Variants in GAREM1 observed in about 807,000 individuals in gnomAD.
GAREM1 encodes GRB2 associated regulator of MAPK1 subtype 1, also known as GRB2-associated and regulator of MAPK protein 1.
Under a neutral mutation model 71.3 loss-of-function variants are expected in GAREM1, and 26 were observed. That is an observed-to-expected ratio of 0.36 (90% CI 0.27 to 0.51). The LOEUF is 0.51. GAREM1 is among the 20% of genes least tolerant of loss of function. GAREM1 has a pLI of 0.95. For synonymous variants in GAREM1, 440 were observed against 433.2 expected (o/e 1.02, Z -0.20); for missense variants, 1,026 against 1,103.1 (o/e 0.93, Z 0.99).
intron 1 of GAREM1, among the ~76,000 whole-genome samples, chr18:32,441,227 A>G (rs1039015606): frequency 6.6e-6 from 1 of 152,154 alleles, no homozygotes; most frequent in Non-Finnish European, 1.5e-5. Flanking sequence ...GGAAGACAAT[A>G]TATATTTTAA....
intron 1 of GAREM1, among the ~76,000 whole-genome samples, chr18:32,457,224 AGAGT>A (rs1232367814): frequency 5.2e-3 from 561 of 107,302 alleles, no homozygotes; most frequent in Middle Eastern, 0.027. Flanking sequence ...AGAGAGAGAG[AGAGT>A]GTGTGTGTGT....
At chr18:32,430,363 A>T (rs1161318843) in intron 1 of GAREM1, among the ~76,000 whole-genome samples, 1 of 152,218 alleles carries the variant, frequency 6.6e-6, no homozygotes, top group Admixed American at 6.5e-5. Context: ...CTGTAATACA[A>T]AGAAAAAAAG....
chr18:32,361,260 C>CCA (rs2047862233), intron 2 of GAREM1, among the ~76,000 whole-genome samples: 1 of 152,146 alleles, frequency 6.6e-6, no homozygotes, highest in African/African-American at 2.4e-5. Context: ...CCCACCATAA[C>CCA]CACACACACC....
chr18:32,434,803 T>C (rs2048658817), intron 1 of GAREM1, among the ~76,000 whole-genome samples: 1 of 151,816 alleles, frequency 6.6e-6, no homozygotes, highest in African/African-American at 2.4e-5. Context: ...CTAAAATGAG[T>C]GGGCAAAGGT....
intron 1 of GAREM1, among the ~76,000 whole-genome samples, chr18:32,400,976 A>G (rs529980442): frequency 6.6e-6 from 1 of 152,350 alleles, no homozygotes; most frequent in Admixed American, 6.5e-5. Flanking sequence ...CATATACACC[A>G]TGGAATACTA....
Position 32,268,005 on chromosome 18 carries a change from A to C in GAREM1, c.2497T>G (p.Phe833Val). The C allele has an allele frequency of 6.2e-7, 1 of 1,614,166 alleles. No homozygotes were observed. Among genetic ancestry groups the C allele is most frequent in the Non-Finnish European group, 8.5e-7 (1 of 1,180,010 alleles). The change falls in exon 6 of 6, where the codon TTT becomes GTT. Residue 833 changes from phenylalanine (F) to valine (V), a missense_variant. Physicochemically the swap from Phe to Val is conservative, Grantham distance 50. Transcript: ENST00000269209. ...TTCCCATCAATCTTTTCAGTAACAA[A>C]GAATGATATGACATCTTCGGACAAA... Reference protein sequence around the residue: ...IGLSEDVISFFVTEKIDGNLL... With the variant: ...IGLSEDVISFVVTEKIDGNLL...
chr18:32,435,454 G>GA (rs781297067), intron 1 of GAREM1, among the ~76,000 whole-genome samples: 5 of 152,030 alleles, frequency 3.3e-5, no homozygotes, highest in Non-Finnish European at 7.4e-5. Flanking sequence ...ATAAAAAGCT[G>GA]AAAAAACAAA....
chr18:32,371,303 G>A (rs1598997224), intron 2 of GAREM1, among the ~76,000 whole-genome samples: 1 of 152,298 alleles, frequency 6.6e-6, no homozygotes, highest in East Asian at 1.9e-4. Context: ...TATGCCAAAA[G>A]TTAGAGGTGG....
At chr18:32,406,048 A>G (rs921353092) in intron 1 of GAREM1, among the ~76,000 whole-genome samples, 1 of 152,204 alleles carries the variant, frequency 6.6e-6, no homozygotes, top group African/African-American at 2.4e-5. Flanking sequence ...CCTTCTAACT[A>G]TTCTTCATAC....
In GAREM1 at chr18:32,270,227, G is replaced by A; in HGVS notation, c.1723C>T (p.Leu575=). The stretch of plus-strand genomic sequence containing the variant: ...GGCAGGAAGACTTACATGTTGTGTA[G>A]CCCTGAAGAATAGTAGGACAAGGTG... ...SPTLSYYSSG[L]HNISVTKTDT... Residue 575 remains leucine, a synonymous_variant, in exon 5 of 6, where the codon CTA becomes TTA. Transcript: ENST00000269209. 2 of 1,613,884 alleles carry A rather than the reference G, an allele frequency of 1.2e-6. No homozygotes were observed. Among genetic ancestry groups the A allele is most frequent in the African/African-American group, 2.7e-5 (2 of 75,054 alleles).
At chr18:32,331,544 G>A (rs2047535342) in intron 2 of GAREM1, 1 of 152,172 alleles carries the variant, frequency 6.6e-6, no homozygotes, top group Non-Finnish European at 1.5e-5. Flanking sequence ...TTCTACAGCA[G>A]TCACATACAC....
intron 1 of GAREM1, among the ~76,000 whole-genome samples, chr18:32,434,523 G>A (rs1447980704): frequency 6.6e-6 from 1 of 151,906 alleles, no homozygotes; most frequent in Admixed American, 6.6e-5. Flanking sequence ...GGACACAAAA[G>A]CCAAAATTAG....
At chr18:32,435,824 A>G (rs886139380) in intron 1 of GAREM1, among the ~76,000 whole-genome samples, 2 of 152,146 alleles carry the variant, frequency 1.3e-5, no homozygotes, top group African/African-American at 4.8e-5. Flanking sequence ...TTGAATTCCT[A>G]GAGTGTGCCA....
At chr18:32,303,326 G>C (rs952576614) in intron 3 of GAREM1, among the ~76,000 whole-genome samples, 1 of 152,092 alleles carries the variant, frequency 6.6e-6, no homozygotes, top group South Asian at 2.1e-4. Flanking sequence ...ATGCCAAATC[G>C]AAGGCCACCT....
intron 2 of GAREM1, among the ~76,000 whole-genome samples, chr18:32,317,550 C>T (rs656946): frequency 0.29 from 43,516 of 151,920 alleles, 7,877 homozygotes; most frequent in African/African-American, 0.52. Flanking sequence ...TGCCTTCAAA[C>T]AGGAGTCTAA....
intron 2 of GAREM1, among the ~76,000 whole-genome samples, chr18:32,311,532 C>G (rs997748121): frequency 3.3e-5 from 5 of 151,960 alleles, no homozygotes; most frequent in African/African-American, 1.2e-4. Flanking sequence ...AAATTTAGGG[C>G]AGGGTGTGGG....
In GAREM1 at chr18:32,421,277, G is replaced by A. The variant is rs182146057; in HGVS notation, c.122-28242C>T. ...ACTTGGACCAGGCACTTGGTACACA[G>A]TAAGCACTCAACAAAGCTTGGCTAA... On this transcript the variant is annotated intron_variant, in intron 1 of 5. Coordinates refer to ENST00000269209, the MANE Select transcript of GAREM1 (RefSeq NM_001242409.2). Among the ~76,000 whole-genome samples the A allele has an allele frequency of 2.6e-5, 4 of 152,312 alleles. No individual in the cohort carries two copies. The East Asian group carries it at 7.7e-4, about 29-fold the overall frequency.
intron 2 of GAREM1, among the ~76,000 whole-genome samples, chr18:32,312,891 G>A (rs1598952819): frequency 6.6e-6 from 1 of 152,188 alleles, no homozygotes; most frequent in Non-Finnish European, 1.5e-5. Flanking sequence ...GCTGTTGGAA[G>A]CTTCCAATTT....
At chr18:32,390,048 G>C (rs116748431) in intron 2 of GAREM1, among the ~76,000 whole-genome samples, 1,809 of 152,256 alleles carry the variant, frequency 0.012, 48 homozygotes, top group African/African-American at 0.042. Context: ...GTACAAGCCT[G>C]TAGTGCCAGC....
Sources: allele counts gnomAD v4.1 joint callset (sites outside exome capture counted in the v4.1 genomes callset), GRCh38; gene constraint gnomAD v4.1.1; transcripts MANE v1.5; gene names NCBI Gene and HGNC (gene_info 2026-07-23, HGNC 2026-07-21).